Variants in DPP10 observed in about 807,000 individuals in gnomAD.
DPP10 encodes inactive dipeptidyl peptidase 10.
In DPP10, 33 loss-of-function variants were observed where a neutral mutation model predicts 120.9. The observed-to-expected ratio is 0.27, with a 90% CI of 0.21 to 0.37. The LOEUF is 0.37. Among genes scored for constraint, DPP10 ranks in the 10% least tolerant of loss-of-function variants. The probability of loss-of-function intolerance (pLI) is 1.00; values close to 1 mark genes in which losing one functional copy is unlikely to be tolerated. For missense variants in DPP10, 816 were observed against 942.8 expected (o/e 0.87, Z 1.76); for synonymous variants, 337 against 326.1 (o/e 1.03, Z -0.36).
chr2:115,811,923 A>G (rs1686692328), intron 19 of DPP10, among the ~76,000 whole-genome samples: 1 of 152,206 alleles, frequency 6.6e-6, no homozygotes, highest in South Asian at 2.1e-4. Context: ...TAACTCAAAG[A>G]AATATGCTCA....
intron 1 of DPP10, among the ~76,000 whole-genome samples, chr2:115,267,985 A>T (rs1295902880): frequency 6.6e-6 from 1 of 152,228 alleles, no homozygotes; most frequent in Admixed American, 6.5e-5. Context: ...AGCAGACACC[A>T]AATAGATAGT....
intron 7 of DPP10, among the ~76,000 whole-genome samples, chr2:115,720,204 C>T (rs895894501): frequency 6.6e-6 from 1 of 152,138 alleles, no homozygotes; most frequent in African/African-American, 2.4e-5. Context: ...TTATTAGTGG[C>T]TCTCTTTTTC....
chr2:115,550,939 T>A (rs1250856756), intron 5 of DPP10, among the ~76,000 whole-genome samples: 1 of 152,148 alleles, frequency 6.6e-6, no homozygotes, highest in Non-Finnish European at 1.5e-5. Context: ...ATGCAAATAA[T>A]GACTAAAACA....
At chr2:115,271,447 C>T (rs2059694828) in intron 1 of DPP10, among the ~76,000 whole-genome samples, 1 of 152,138 alleles carries the variant, frequency 6.6e-6, no homozygotes, top group Non-Finnish European at 1.5e-5. Context: ...AGTCTTTGCT[C>T]AGCAGGTTGT....
At chr2:114,563,999 G>C (rs1688979385) in intron 1 of DPP10, among the ~76,000 whole-genome samples, 2 of 152,160 alleles carry the variant, frequency 1.3e-5, no homozygotes, top group Admixed American at 1.3e-4. Flanking sequence ...CAGGAGAATG[G>C]GTGTGAAGTA....
At chr2:114,809,526 G>T (rs1003389029) in intron 1 of DPP10, among the ~76,000 whole-genome samples, 1 of 152,230 alleles carries the variant, frequency 6.6e-6, no homozygotes, top group East Asian at 1.9e-4. Flanking sequence ...TGCAGTAAGT[G>T]GAGTCTTTAA....
chr2:114,698,216 C>T (rs967866471), intron 1 of DPP10, among the ~76,000 whole-genome samples: 1 of 152,012 alleles, frequency 6.6e-6, no homozygotes, highest in Non-Finnish European at 1.5e-5. Flanking sequence ...TACCCTCACC[C>T]CTGCTCTTGG....
At chr2:115,526,059 A>T in intron 5 of DPP10, 87 bp downstream of exon 5, 1 of 1,092,724 alleles carries the variant, frequency 9.2e-7, no homozygotes, top group Non-Finnish European at 1.3e-6. Context: ...TAACTCACCT[A>T]AGCAAAATCT....
In DPP10 at chr2:115,135,170, A is replaced by G. The variant is rs531518080; in HGVS notation, c.61-174069A>G. 7.2e-4 allele frequency among the ~76,000 whole-genome samples: 109 copies of G among 151,986 alleles called. 2 individuals are homozygous for G. Among genetic ancestry groups the G allele is most frequent in the African/African-American group, 2.5e-3 (102 of 41,434 alleles). On this transcript the variant is annotated intron_variant, in intron 1 of 25. Coordinates refer to ENST00000410059, the MANE Select transcript of DPP10 (RefSeq NM_020868.6). ...AGAGTTGAACACCGTCATGTACGTA[A>G]AAACAGCATATTGTAGGAGCATACT...
chr2:115,078,210 T>G (rs1256926421), intron 1 of DPP10, among the ~76,000 whole-genome samples: 1 of 152,204 alleles, frequency 6.6e-6, no homozygotes, highest in African/African-American at 2.4e-5. Context: ...AATGAAACAT[T>G]TAAGAAAATA....
intron 1 of DPP10, among the ~76,000 whole-genome samples, chr2:114,891,625 T>C (rs911437789): frequency 3.3e-5 from 5 of 152,188 alleles, no homozygotes; most frequent in African/African-American, 1.2e-4. Flanking sequence ...CTTAAAGCCA[T>C]TGCCACCAGC....
intron 17 of DPP10, among the ~76,000 whole-genome samples, chr2:115,782,708 C>T (rs757173148): frequency 6.6e-6 from 1 of 152,040 alleles, no homozygotes; most frequent in Non-Finnish European, 1.5e-5. Context: ...TGTTCTGGTT[C>T]ATTCTTGCCT....
chr2:115,466,900 T>A (rs190110568), intron 3 of DPP10, among the ~76,000 whole-genome samples: 1 of 152,166 alleles, frequency 6.6e-6, no homozygotes, highest in Non-Finnish European at 1.5e-5. Context: ...GTAAACCACC[T>A]GGCACCTGGT....
At chr2:115,195,090 T>C (rs950380803) in intron 1 of DPP10, among the ~76,000 whole-genome samples, 1 of 152,224 alleles carries the variant, frequency 6.6e-6, no homozygotes, top group African/African-American at 2.4e-5. Context: ...GACAAACTTA[T>C]GCTGATGAGT....
chr2:115,755,317 A>G (rs895991268), intron 11 of DPP10, among the ~76,000 whole-genome samples: 1 of 152,122 alleles, frequency 6.6e-6, no homozygotes, highest in Non-Finnish European at 1.5e-5. Context: ...GAAAAATACA[A>G]TGTTTGAAAT....
At chr2:115,058,461 G>C (rs536152624) in intron 1 of DPP10, among the ~76,000 whole-genome samples, 80 of 152,052 alleles carry the variant, frequency 5.3e-4, no homozygotes, top group African/African-American at 1.9e-3. Flanking sequence ...CTGCAGTGGC[G>C]CGATCTCGGT....
chr2:114,898,804 T>C (rs1558858782), intron 1 of DPP10, among the ~76,000 whole-genome samples: 1 of 152,238 alleles, frequency 6.6e-6, no homozygotes, highest in Non-Finnish European at 1.5e-5. Flanking sequence ...GGTATCAATA[T>C]ATTCAAGAAA....
chr2:115,570,510 G>T (rs1039494368), intron 5 of DPP10, among the ~76,000 whole-genome samples: 7 of 152,152 alleles, frequency 4.6e-5, no homozygotes, highest in African/African-American at 1.7e-4. Context: ...GTGCTCACAT[G>T]TTTTGTGTGA....
Position 115,064,941 on chromosome 2 carries a change from G to A in DPP10, c.61-244298G>A, listed in dbSNP as rs1706721262. The stretch of plus-strand genomic sequence containing the variant: ...TTGTTTTAAGCATTATTCATCATAG[G>A]CCTAATAGTTGCCCACATATATTTA... On this transcript the variant is annotated intron_variant, in intron 1 of 25. Coordinates refer to ENST00000410059, the MANE Select transcript of DPP10 (RefSeq NM_020868.6). 8 of 742,332 alleles carry A rather than the reference G, an allele frequency of 1.1e-5. No homozygotes were observed. In the South Asian group the frequency reaches 1.4e-4, roughly 13 times the overall value. 46.0% of individuals were successfully genotyped at this position (742,332 alleles called of 1,614,324 possible). A position where few individuals can be genotyped will look rare whatever the true frequency, so the allele number is the denominator to read the frequency against.
Sources: allele counts gnomAD v4.1 joint callset (sites outside exome capture counted in the v4.1 genomes callset), GRCh38; gene constraint gnomAD v4.1.1; transcripts MANE v1.5; gene names NCBI Gene and HGNC (gene_info 2026-07-23, HGNC 2026-07-21).